The following SRBD1 variants were observed in gnomAD, a reference collection of about 807,000 sequenced individuals.
SRBD1 encodes the protein S1 RNA-binding domain-containing protein 1.
Under a neutral mutation model 115.3 loss-of-function variants are expected in SRBD1, and 88 were observed. The ratio of observed to expected loss-of-function variants is 0.76; its 90% confidence interval spans 0.64 to 0.91. The LOEUF (loss-of-function observed/expected upper bound fraction) is 0.91, where lower values mean the gene tolerates loss of function less well. SRBD1 is among the 40% of genes least tolerant of loss of function. The pLI is 0.00. For missense variants in SRBD1, 1,385 were observed against 1,177.4 expected (o/e 1.18, Z -2.58); for synonymous variants, 509 against 407.7 (o/e 1.25, Z -2.99).
At chr2:45,454,185 T>C (rs2103752140) in intron 16 of SRBD1, among the ~76,000 whole-genome samples, 1 of 152,018 alleles carries the variant, frequency 6.6e-6, no homozygotes, top group African/African-American at 2.4e-5. Flanking sequence ...TAAGATTTTA[T>C]TTGAATTTCT....
chr2:45,428,669 T>C (rs532775219), intron 16 of SRBD1, among the ~76,000 whole-genome samples: 1 of 152,220 alleles, frequency 6.6e-6, no homozygotes, highest in South Asian at 2.1e-4. Flanking sequence ...TAAAGCAGCA[T>C]TTAAAAGGAA....
At chr2:45,525,174 A>G (rs1019219668) in intron 14 of SRBD1, among the ~76,000 whole-genome samples, 3 of 152,066 alleles carry the variant, frequency 2.0e-5, no homozygotes, top group Non-Finnish European at 2.9e-5. Flanking sequence ...TGTAGGCACT[A>G]AAACTATTAA....
intron 16 of SRBD1, among the ~76,000 whole-genome samples, chr2:45,451,358 C>T (rs199785811): frequency 2.6e-5 from 4 of 152,136 alleles, no homozygotes; most frequent in East Asian, 3.9e-4. Context: ...AATATTATTT[C>T]GCTTTTCAGA....
intron 15 of SRBD1, among the ~76,000 whole-genome samples, chr2:45,486,706 C>T (rs534456691): frequency 6.6e-6 from 1 of 151,552 alleles, no homozygotes; most frequent in South Asian, 2.1e-4. Context: ...GTACTCCAGC[C>T]TGGGTGACAG....
chr2:45,586,798 C>T (rs1330099835), intron 4 of SRBD1, among the ~76,000 whole-genome samples: 1 of 151,216 alleles, frequency 6.6e-6, no homozygotes, highest in Non-Finnish European at 1.5e-5. Flanking sequence ...CCTCCCGTCT[C>T]AGCCTCCGAA....
chr2:45,605,113 C>T (rs1674224205), intron 2 of SRBD1, among the ~76,000 whole-genome samples: 1 of 152,166 alleles, frequency 6.6e-6, no homozygotes, highest in African/African-American at 2.4e-5. Flanking sequence ...TCTCATGGAG[C>T]TTATATTCTA....
intron 9 of SRBD1, chr2:45,569,081 A>G (rs1371392205): frequency 2.7e-5 from 4 of 150,364 alleles, no homozygotes; most frequent in Non-Finnish European, 4.4e-5. Context: ...ACATAAAATA[A>G]CCTTTCAGGA....
chr2:45,560,277 TTAGTC>T (rs1672620233), intron 10 of SRBD1, among the ~76,000 whole-genome samples: 2 of 152,224 alleles, frequency 1.3e-5, no homozygotes, highest in South Asian at 2.1e-4. Context: ...TGACATTTAC[TTAGTC>T]TAAAGATAAT....
intron 16 of SRBD1, among the ~76,000 whole-genome samples, chr2:45,430,155 A>G (rs1558388402): frequency 6.6e-6 from 1 of 152,166 alleles, no homozygotes; most frequent in African/African-American, 2.4e-5. Flanking sequence ...AACAAACAGA[A>G]AAAAACATTC....
Position 45,410,481 on chromosome 2 carries a change from AGG to A in SRBD1, c.2513+2631_2513+2632del. ...AATGGCCAAAAACTGGAAATAAGCA[AGG>A]TTCATGTGATATTGGGAAGTACATA... On this transcript the variant is annotated intron_variant, in intron 19 of 20. Transcript: ENST00000263736. Among the ~76,000 whole-genome samples, 5 of 152,356 alleles carry A rather than the reference AGG, an allele frequency of 3.3e-5. 1 individual carries two copies. In the Middle Eastern group the frequency reaches 0.014, roughly 415 times the overall value.
intron 10 of SRBD1, among the ~76,000 whole-genome samples, chr2:45,558,258 A>G (rs921267259): frequency 6.6e-6 from 1 of 152,218 alleles, no homozygotes; most frequent in African/African-American, 2.4e-5. Context: ...TAAATCCAGG[A>G]GTTTGAGACC....
At chr2:45,420,935 A>C (rs2103638136) in intron 16 of SRBD1, among the ~76,000 whole-genome samples, 1 of 152,340 alleles carries the variant, frequency 6.6e-6, no homozygotes, top group South Asian at 2.1e-4. Context: ...ACATATGTAT[A>C]CATGTGCCAT....
chr2:45,437,365 A>AC (rs1668529081), intron 16 of SRBD1, among the ~76,000 whole-genome samples: 1 of 151,658 alleles, frequency 6.6e-6, no homozygotes. Flanking sequence ...TTTAAAAAAA[A>AC]AAAAAAAAAG....
intron 16 of SRBD1, among the ~76,000 whole-genome samples, chr2:45,423,879 C>T (rs553792229): frequency 6.6e-6 from 1 of 152,206 alleles, no homozygotes; most frequent in South Asian, 2.1e-4. Flanking sequence ...TATGTATGAA[C>T]TTAAGAACCA....
At chr2:45,535,041 A>C (rs1671725586) in intron 14 of SRBD1, among the ~76,000 whole-genome samples, 3 of 151,930 alleles carry the variant, frequency 2.0e-5, no homozygotes, top group Admixed American at 1.3e-4. Flanking sequence ...CCAAAAACTC[A>C]AGTCTTTCAA....
chr2:45,389,022 T>G lies in SRBD1; in HGVS notation c.*288A>C. ...TCTGTTATACAAAATGCAAAAGGAG[T>G]TAAAGATAAATTACAAAAAATAAAA... On this transcript the variant is annotated 3_prime_UTR_variant, in exon 21 of 21. Transcript: ENST00000263736. 1 of 331,988 alleles carries G rather than the reference T, an allele frequency of 3.0e-6. No homozygotes were observed. The highest frequency in any genetic ancestry group is 5.5e-6 in the Non-Finnish European group (1 of 182,418). 20.6% of individuals were successfully genotyped at this position (331,988 alleles called of 1,614,324 possible). A position where few individuals can be genotyped will look rare whatever the true frequency, so the allele number is the denominator to read the frequency against.
chr2:45,521,741 A>T (rs1460033706), intron 14 of SRBD1, among the ~76,000 whole-genome samples: 2 of 152,050 alleles, frequency 1.3e-5, no homozygotes, highest in Non-Finnish European at 2.9e-5. Flanking sequence ...CCAAAGTGGG[A>T]GGATCACTTG....
At chr2:45,605,916 A>G (rs1429821451) in intron 1 of SRBD1, among the ~76,000 whole-genome samples, 5 of 151,614 alleles carry the variant, frequency 3.3e-5, no homozygotes, top group African/African-American at 7.3e-5. Flanking sequence ...AAAAAAAAAA[A>G]AAAGAAAAAA....
intron 14 of SRBD1, among the ~76,000 whole-genome samples, chr2:45,526,747 A>C (rs1671454748): frequency 6.6e-6 from 1 of 152,004 alleles, no homozygotes; most frequent in African/African-American, 2.4e-5. Flanking sequence ...ACCACTGAAA[A>C]TGAATCACAG....
Sources: allele counts gnomAD v4.1 joint callset (sites outside exome capture counted in the v4.1 genomes callset), GRCh38; gene constraint gnomAD v4.1.1; transcripts MANE v1.5; gene names NCBI Gene and HGNC (gene_info 2026-07-23, HGNC 2026-07-21).